Variants in CBX5 observed in about 807,000 individuals in gnomAD.
The protein encoded by CBX5 is chromobox protein homolog 5.
CBX5 carries 7 observed loss-of-function variants against 20.7 expected under a neutral mutation model. That is an observed-to-expected ratio of 0.34 (90% CI 0.19 to 0.63). The LOEUF is 0.63. Among genes scored for constraint, CBX5 ranks in the 30% least tolerant of loss-of-function variants. The pLI is 0.75. For synonymous variants in CBX5, 78 were observed against 77.0 expected, an observed-to-expected ratio of 1.01 and a Z score of -0.07; for missense variants, 110 against 224.1, an observed-to-expected ratio of 0.49 and a Z score of 3.25.
chr12:54,269,121 G>A (rs943699913), intron 1 of CBX5, among the ~76,000 whole-genome samples: 9 of 152,014 alleles, frequency 5.9e-5, no homozygotes, highest in African/African-American at 1.9e-4. Flanking sequence ...GCAGCCAGGC[G>A]TGGTGGCACG....
In CBX5 at chr12:54,240,413, CA is replaced by C. The variant is rs1366061609; in HGVS notation, c.*1341del. 7 of 152,040 alleles carry C rather than the reference CA, an allele frequency of 4.6e-5. No homozygotes were observed. Among genetic ancestry groups the C allele is most frequent in the African/African-American group, 9.7e-5 (4 of 41,384 alleles). The allele number at this position is 152,040 out of a possible 1,614,324, so 9.4% of individuals were successfully genotyped here. Reference sequence around the variant, plus strand: ...TATTTTTATTTATATTTTTTAGAGACAGGGGGTCTCACTACATTGCCCAGGC... The same window carrying C: ...TATTTTTATTTATATTTTTTAGAGACGGGGGTCTCACTACATTGCCCAGGC... On this transcript the variant is annotated 3_prime_UTR_variant, in exon 5 of 5. Transcript: ENST00000209875.
intron 3 of CBX5, among the ~76,000 whole-genome samples, chr12:54,248,960 T>G (rs1475351782): frequency 6.6e-6 from 1 of 152,178 alleles, no homozygotes; most frequent in Non-Finnish European, 1.5e-5. Flanking sequence ...AACATTATGA[T>G]GTAAGGGACA....
chr12:54,250,297 A>G (rs1943781726), intron 3 of CBX5, among the ~76,000 whole-genome samples: 1 of 152,048 alleles, frequency 6.6e-6, no homozygotes, highest in Admixed American at 6.6e-5. Context: ...TGTAATCCCA[A>G]CTACTCAGAA....
At position 54,242,329 on chromosome 12, in the gene CBX5, T is replaced by C. The variant is rs189957153; in HGVS notation, c.426-424A>G. On this transcript the variant is annotated intron_variant, in intron 4 of 4. Transcript: ENST00000209875. ...TCACGAGGTCAGGAGATCGAGACCA[T>C]CCTGGCTCACACGGTGAAACCCCGA... 1.8e-3 allele frequency among the ~76,000 whole-genome samples: 272 copies of C among 151,562 alleles called. 1 individual carries two copies. In the East Asian group the frequency reaches 0.029, roughly 16 times the overall value.
At chr12:54,244,813 T>C (rs1156445520) in intron 4 of CBX5, among the ~76,000 whole-genome samples, 1 of 152,198 alleles carries the variant, frequency 6.6e-6, no homozygotes, top group Admixed American at 6.5e-5. Context: ...TAACTTGTGC[T>C]TTGGCCAGTA....
intron 3 of CBX5, among the ~76,000 whole-genome samples, chr12:54,246,776 G>A (rs1448552213): frequency 3.3e-5 from 4 of 119,650 alleles, no homozygotes; most frequent in Non-Finnish European, 3.3e-5. Context: ...GCAAGACTCC[G>A]TCTCAAAAAA....
At chr12:54,267,270 G>C (rs1442488234) in intron 1 of CBX5, among the ~76,000 whole-genome samples, 1 of 152,144 alleles carries the variant, frequency 6.6e-6, no homozygotes, top group Non-Finnish European at 1.5e-5. Context: ...CACTTTGGCA[G>C]ATCATGTTCA....
chr12:54,263,457 C>T (rs1378143537), intron 1 of CBX5, among the ~76,000 whole-genome samples: 6 of 150,844 alleles, frequency 4.0e-5, no homozygotes, highest in African/African-American at 1.2e-4. Context: ...AGAGGTAGGC[C>T]GGCACAGCGG....
At chr12:54,246,327 T>A in intron 3 of CBX5, 112 bp from the exon 4 acceptor site, 1 of 771,650 alleles carries the variant, frequency 1.3e-6, no homozygotes. Flanking sequence ...TATCATTTCT[T>A]TCACCAATTC....
rs541272213 is a variant in CBX5 at position 54,269,898 on chromosome 12, G to A, written c.-43+10110C>T. 7.2e-5 allele frequency among the ~76,000 whole-genome samples: 11 copies of A among 152,238 alleles called. No individual in the cohort carries two copies. The East Asian group carries it at 2.1e-3, about 29-fold the overall frequency. On this transcript the variant is annotated intron_variant, in intron 1 of 4. Coordinates refer to ENST00000209875, the MANE Select transcript of CBX5 (RefSeq NM_012117.3). Reference sequence around the variant, plus strand: ...CCCACCCAAGGTTCTGTATTTAAGTGAGTTTTGGTAGTTTGTCTTCAAGGA... The same window carrying A: ...CCCACCCAAGGTTCTGTATTTAAGTAAGTTTTGGTAGTTTGTCTTCAAGGA...
In CBX5 at chr12:54,241,900, T is replaced by C. The variant is rs1485937163; in HGVS notation, c.431A>G (p.Asp144Gly). The C allele has an allele frequency of 2.5e-6, 4 of 1,612,878 alleles. No homozygotes were observed. The highest frequency in any genetic ancestry group is 3.4e-6 in the Non-Finnish European group (4 of 1,179,842). The part of the protein sequence containing the change: ...GDLMFLMKWK[D>G]TDEADLVLAK... Reference sequence around the variant, plus strand: ...AAGAACCAGGTCAGCTTCATCTGTGTCTTTCCTGGAGAGAAAGAATATGAG... The same window carrying C: ...AAGAACCAGGTCAGCTTCATCTGTGCCTTTCCTGGAGAGAAAGAATATGAG... Residue 144 changes from aspartate (D) to glycine (G), a missense_variant, in exon 5 of 5, where the codon GAC becomes GGC. By Grantham distance (94) the Asp-to-Gly change is moderately conservative. Coordinates refer to ENST00000209875, the MANE Select transcript of CBX5 (RefSeq NM_012117.3).
At chr12:54,253,696 C>G (rs1371395011) in intron 2 of CBX5, among the ~76,000 whole-genome samples, 1 of 147,102 alleles carries the variant, frequency 6.8e-6, no homozygotes, top group Non-Finnish European at 1.5e-5. Flanking sequence ...CCACTGCACT[C>G]CCACCTGGGT....
At chr12:54,245,936 C>A (rs192848128) in intron 4 of CBX5, among the ~76,000 whole-genome samples, 179 bp downstream of exon 4, 1 of 152,292 alleles carries the variant, frequency 6.6e-6, no homozygotes, top group East Asian at 1.9e-4. Flanking sequence ...TGAGTGAGAT[C>A]GCACCACTGT....
At chr12:54,247,559 A>C (rs974713570) in intron 3 of CBX5, among the ~76,000 whole-genome samples, 1 of 152,204 alleles carries the variant, frequency 6.6e-6, no homozygotes, top group Non-Finnish European at 1.5e-5. Flanking sequence ...TTGATAATTC[A>C]TGAGATGAGT....
intron 1 of CBX5, among the ~76,000 whole-genome samples, chr12:54,267,658 C>T (rs1943969006): frequency 1.3e-5 from 2 of 152,032 alleles, no homozygotes; most frequent in African/African-American, 4.8e-5. Flanking sequence ...ACTACAGGCG[C>T]CCGCCACCAC....
At chr12:54,246,088 T>C (rs767556018) in intron 4 of CBX5, 27 bp downstream of exon 4, 2 of 1,495,254 alleles carry the variant, frequency 1.3e-6, no homozygotes, top group Non-Finnish European at 1.9e-6. Flanking sequence ...GAAACACAAT[T>C]GTAAAGCGAA....
chr12:54,247,530 C>A (rs1005551038), intron 3 of CBX5, among the ~76,000 whole-genome samples: 34 of 152,094 alleles, frequency 2.2e-4, no homozygotes, highest in African/African-American at 8.2e-4. Flanking sequence ...GAACCTGTCT[C>A]TTAAGAGAGA....
At chr12:54,255,311 A>G (rs1395887101) in intron 2 of CBX5, among the ~76,000 whole-genome samples, 1 of 151,988 alleles carries the variant, frequency 6.6e-6, no homozygotes, top group Admixed American at 6.6e-5. Flanking sequence ...TGTAATCCCA[A>G]CACTTTGGGA....
At position 54,233,758 on chromosome 12, in the gene CBX5, GTC is replaced by G. The variant is rs1160556203; in HGVS notation, c.*7995_*7996del. On this transcript the variant is annotated 3_prime_UTR_variant, in exon 5 of 5. Coordinates refer to ENST00000209875, the MANE Select transcript of CBX5 (RefSeq NM_012117.3). ...CCAGCCTGGGCAACACAGGGAGACT[GTC>G]TCTACAAAACATTTTTTAAATAATA... 6.6e-6 allele frequency: 1 copy of G among 151,996 alleles called. No individual in the cohort carries two copies. The highest frequency in any genetic ancestry group is 1.5e-5 in the Non-Finnish European group (1 of 68,016). The allele number at this position is 151,996 out of a possible 1,614,324, so 9.4% of individuals were successfully genotyped here.
Sources: gnomAD v4.1 joint callset for allele counts (sites outside exome capture counted in the v4.1 genomes callset) on GRCh38, gnomAD v4.1.1 for gene constraint, MANE v1.5 for transcripts, NCBI Gene and HGNC (gene_info 2026-07-23, HGNC 2026-07-21) for gene names.